The following CCDC7 variants were observed in gnomAD, a reference collection of about 807,000 sequenced individuals.
The protein encoded by CCDC7 is coiled-coil domain-containing protein 7.
In CCDC7, 183 loss-of-function variants were observed where a neutral mutation model predicts 196.9. That is an observed-to-expected ratio of 0.93 (90% CI 0.82 to 1.05). The LOEUF (loss-of-function observed/expected upper bound fraction) is 1.05, where lower values mean the gene tolerates loss of function less well. CCDC7 is among the 50% of genes least tolerant of loss of function. CCDC7 has a pLI of 0.00. For synonymous variants in CCDC7, 525 were observed against 484.6 expected, an observed-to-expected ratio of 1.08 and a Z score of -1.10; for missense variants, 1,540 against 1,482.2, an observed-to-expected ratio of 1.04 and a Z score of -0.64.
At chr10:32,512,549 A>G (rs994687132) in intron 9 of CCDC7, 2 of 152,238 alleles carry the variant, frequency 1.3e-5, no homozygotes, top group Admixed American at 1.3e-4. Context: ...CAGATTCTGA[A>G]TTCACATCAT....
intron 8 of CCDC7, among the ~76,000 whole-genome samples, chr10:32,474,333 C>T (rs564264839): frequency 2.8e-5 from 4 of 143,832 alleles, no homozygotes; most frequent in Non-Finnish European, 6.0e-5. Context: ...AAGTGATTCT[C>T]GTCCCTCAGC....
chr10:32,590,511 T>C (rs1221838577), intron 18 of CCDC7, among the ~76,000 whole-genome samples: 1 of 152,148 alleles, frequency 6.6e-6, no homozygotes, highest in Non-Finnish European at 1.5e-5. Flanking sequence ...TACTTAAGAG[T>C]ATTTTACACA....
intron 13 of CCDC7, among the ~76,000 whole-genome samples, chr10:32,546,443 A>G (rs1230014143): frequency 6.6e-6 from 1 of 152,240 alleles, no homozygotes; most frequent in Non-Finnish European, 1.5e-5. Context: ...CAAACTGGGA[A>G]ATTGGGGTAG....
intron 29 of CCDC7, among the ~76,000 whole-genome samples, chr10:32,784,709 C>CT (rs1335998060): frequency 3.9e-5 from 6 of 151,932 alleles, no homozygotes; most frequent in Non-Finnish European, 8.8e-5. Context: ...GTAGCTGGGA[C>CT]TACAGACACG....
At chr10:32,737,455 T>A (rs75141284) in intron 28 of CCDC7, among the ~76,000 whole-genome samples, 1,577 of 152,284 alleles carry the variant, frequency 0.01, 18 homozygotes, top group African/African-American at 0.035. Context: ...ATAAGATCTG[T>A]CTTACTGAGT....
intron 28 of CCDC7, among the ~76,000 whole-genome samples, chr10:32,744,719 C>A (rs1010441919): frequency 4.6e-5 from 7 of 152,140 alleles, no homozygotes; most frequent in Non-Finnish European, 7.4e-5. Context: ...GGGTAACAGT[C>A]TTTTATCAGA....
intron 18 of CCDC7, among the ~76,000 whole-genome samples, chr10:32,607,240 T>A (rs2061645711): frequency 1.3e-5 from 2 of 152,204 alleles, no homozygotes; most frequent in Admixed American, 1.3e-4. Context: ...CCTGGTACCA[T>A]GCTTCCTGTA....
chr10:32,804,386 C>T (rs753074422), intron 29 of CCDC7, among the ~76,000 whole-genome samples: 2 of 152,122 alleles, frequency 1.3e-5, no homozygotes, highest in Non-Finnish European at 2.9e-5. Flanking sequence ...TCCTAAGCTA[C>T]GAGGTCCACA....
At chr10:32,590,534 T>C (rs555403994) in intron 18 of CCDC7, among the ~76,000 whole-genome samples, 1 of 152,172 alleles carries the variant, frequency 6.6e-6, no homozygotes, top group Non-Finnish European at 1.5e-5. Flanking sequence ...ACAATTATAG[T>C]GTTATACTAT....
chr10:32,856,023 C>A (rs185507564), intron 41 of CCDC7, among the ~76,000 whole-genome samples: 141 of 152,150 alleles, frequency 9.3e-4, no homozygotes, highest in African/African-American at 3.2e-3. Context: ...ACTAGATATC[C>A]ACATGCAAAA....
At chr10:32,600,340 C>A (rs1483646678) in intron 18 of CCDC7, among the ~76,000 whole-genome samples, 1 of 148,316 alleles carries the variant, frequency 6.7e-6, no homozygotes, top group East Asian at 2.0e-4. Flanking sequence ...AGATTGAGTT[C>A]TTGATTTGAG....
intron 13 of CCDC7, among the ~76,000 whole-genome samples, chr10:32,565,038 A>G (rs2056555173): frequency 6.6e-6 from 1 of 152,188 alleles, no homozygotes; most frequent in African/African-American, 2.4e-5. Flanking sequence ...CCTATTGTTG[A>G]TACTTGTATT....
At chr10:32,502,249 C>G (rs2044186214) in intron 9 of CCDC7, among the ~76,000 whole-genome samples, 1 of 152,192 alleles carries the variant, frequency 6.6e-6, no homozygotes, top group African/African-American at 2.4e-5. Flanking sequence ...AGTGCAGTGT[C>G]TGGGCCAGAA....
intron 11 of CCDC7, among the ~76,000 whole-genome samples, chr10:32,520,878 C>G (rs1373772727): frequency 6.6e-6 from 1 of 152,030 alleles, no homozygotes; most frequent in African/African-American, 2.4e-5. Context: ...GTCTTTAATC[C>G]ATTTTGATAT....
chr10:32,691,819 A>C (rs529694197), intron 23 of CCDC7, among the ~76,000 whole-genome samples: 1 of 152,172 alleles, frequency 6.6e-6, no homozygotes, highest in East Asian at 1.9e-4. Context: ...GATGGCCCAA[A>C]CATGTTTTCC....
At chr10:32,582,278 C>T (rs2058828871) in intron 16 of CCDC7, among the ~76,000 whole-genome samples, 1 of 151,374 alleles carries the variant, frequency 6.6e-6, no homozygotes, top group African/African-American at 2.4e-5. Flanking sequence ...TTCTGTGAGA[C>T]CAAACTTCAA....
intron 20 of CCDC7, among the ~76,000 whole-genome samples, chr10:32,653,265 CAA>C (rs2069113210): frequency 6.6e-6 from 1 of 152,116 alleles, no homozygotes; most frequent in African/African-American, 2.4e-5. Context: ...GGGTGAGTCT[CAA>C]TGCTCCCTAT....
At chr10:32,485,249 C>T (rs2040811013) in intron 8 of CCDC7, among the ~76,000 whole-genome samples, 1 of 152,170 alleles carries the variant, frequency 6.6e-6, no homozygotes, top group South Asian at 2.1e-4. Context: ...AGGAATTTAT[C>T]CATTTCTTCT....
At chr10:32,676,973 T>C (rs1394970763) in intron 21 of CCDC7, among the ~76,000 whole-genome samples, 1 of 152,006 alleles carries the variant, frequency 6.6e-6, no homozygotes, top group Non-Finnish European at 1.5e-5. Context: ...CCAACCCAAA[T>C]GTCCAACAAC....
Sources: allele counts gnomAD v4.1 joint callset (sites outside exome capture counted in the v4.1 genomes callset), GRCh38; gene constraint gnomAD v4.1.1; transcripts MANE v1.5; gene names NCBI Gene and HGNC (gene_info 2026-07-23, HGNC 2026-07-21).